Variants in FANCB observed in about 807,000 individuals in gnomAD.
The protein encoded by FANCB is Fanconi anemia group B protein.
In FANCB, 5 loss-of-function variants were observed where a neutral mutation model predicts 38.9. The ratio of observed to expected loss-of-function variants is 0.13; its 90% CI spans 0.07 to 0.27. The LOEUF (loss-of-function observed/expected upper bound fraction) is 0.27. Ranked by LOEUF, FANCB falls within the 10% of genes least tolerant of loss-of-function variation. The pLI is 1.00. For synonymous variants in FANCB, 236 were observed against 215.4 expected, an observed-to-expected ratio of 1.10 and a Z score of -0.84; for missense variants, 573 against 602.7, an observed-to-expected ratio of 0.95 and a Z score of 0.52.
At chrX:14,695,802 G>T in the FANCB span, among the ~76,000 whole-genome samples, 1 of 111,594 alleles carries the variant, frequency 9.0e-6, no homozygotes, top group South Asian at 3.8e-4. Flanking sequence ...AGAGTATGGT[G>T]GAAAAAAGAA....
chrX:14,824,673 A>G, the FANCB span, among the ~76,000 whole-genome samples: 1 of 112,271 alleles, frequency 8.9e-6, no homozygotes, highest in Non-Finnish European at 1.9e-5. Context: ...TTATCACGTC[A>G]TAATACCTAT....
the FANCB span, among the ~76,000 whole-genome samples, chrX:14,747,046 C>A: frequency 1.8e-5 from 2 of 111,866 alleles, no homozygotes; most frequent in Non-Finnish European, 1.9e-5. Context: ...CTGTCAGCCC[C>A]TCCACAGAAA....
downstream of FANCB, among the ~76,000 whole-genome samples, chrX:14,831,546 G>C (rs1418238313): frequency 9.0e-6 from 1 of 111,483 alleles, no homozygotes; most frequent in Admixed American, 9.5e-5. Flanking sequence ...GAGGCAAATC[G>C]CTGGTGCTTG....
the FANCB span, among the ~76,000 whole-genome samples, chrX:14,766,739 T>C: frequency 8.1e-5 from 9 of 110,624 alleles, no homozygotes. Flanking sequence ...AGGTTTGTTA[T>C]ATAGGTAAAC....
rs113498863 is a variant in FANCB, at chrX:14,859,648, A to G, written c.952-314T>C. On this transcript the variant is annotated intron_variant, in intron 3 of 9. Transcript: ENST00000650831. Reference sequence around the variant, plus strand: ...TTTATAAGTTCTAACACTTTTCATGACTAACCTTTGGAAATTCTAACATTT... The same window carrying G: ...TTTATAAGTTCTAACACTTTTCATGGCTAACCTTTGGAAATTCTAACATTT... Among the ~76,000 whole-genome samples the G allele has an allele frequency of 7.6e-3, 855 of 111,912 alleles. 12 individuals carry two copies. Among genetic ancestry groups the G allele is most frequent in the African/African-American group, 0.026 (789 of 30,840 alleles).
At chrX:14,784,727 C>A in the FANCB span, among the ~76,000 whole-genome samples, 1 of 112,117 alleles carries the variant, frequency 8.9e-6, no homozygotes, top group Admixed American at 9.5e-5. Context: ...ATGTTCACTG[C>A]AGCACTATTC....
the FANCB span, among the ~76,000 whole-genome samples, chrX:14,702,193 TG>T: frequency 9.0e-6 from 1 of 111,729 alleles, no homozygotes; most frequent in Non-Finnish European, 1.9e-5. Context: ...TGCTAAAGCA[TG>T]GGGCCTAAAA....
the FANCB span, among the ~76,000 whole-genome samples, chrX:14,763,810 T>C: frequency 4.5e-5 from 5 of 111,790 alleles, no homozygotes; most frequent in Non-Finnish European, 7.5e-5. Flanking sequence ...GTGTTCAAAG[T>C]TCCCCGTTGT....
chrX:14,848,836 G>A (rs935181983), intron 7 of FANCB, among the ~76,000 whole-genome samples: 7 of 110,447 alleles, frequency 6.3e-5, no homozygotes, highest in Non-Finnish European at 9.5e-5. Context: ...ACCTACCCCC[G>A]CCCTCACTAA....
the FANCB span, among the ~76,000 whole-genome samples, chrX:14,734,009 T>C: frequency 8.9e-6 from 1 of 112,330 alleles, no homozygotes; most frequent in East Asian, 2.8e-4. Context: ...ATCTACTGTA[T>C]TTCAAAAAAA....
the FANCB span, among the ~76,000 whole-genome samples, chrX:14,793,319 G>A: frequency 3.6e-5 from 4 of 112,166 alleles, no homozygotes; most frequent in East Asian, 5.6e-4. Context: ...ACCAGATATT[G>A]TATGGTTCCA....
chrX:14,730,669 C>G, the FANCB span: 2 of 424,253 alleles, frequency 4.7e-6, no homozygotes, highest in Non-Finnish European at 8.2e-6. Flanking sequence ...ATGAAGAAAA[C>G]TGCACAAAAT....
the FANCB span, among the ~76,000 whole-genome samples, chrX:14,821,445 A>ATGT: frequency 8.9e-6 from 1 of 111,950 alleles, no homozygotes; most frequent in African/African-American, 3.2e-5. Context: ...ATCTAATTTC[A>ATGT]TGTTTTAATT....
At chrX:14,696,073 G>C in the FANCB span, among the ~76,000 whole-genome samples, 3 of 109,482 alleles carry the variant, frequency 2.7e-5, no homozygotes, top group African/African-American at 1.0e-4. Flanking sequence ...CAAATGAGCA[G>C]GAAAGTGAGT....
the FANCB span, among the ~76,000 whole-genome samples, chrX:14,763,276 C>T: frequency 8.9e-6 from 1 of 112,129 alleles, no homozygotes; most frequent in Non-Finnish European, 1.9e-5. Context: ...GGGAAACAAT[C>T]CAGATCACTC....
the FANCB span, among the ~76,000 whole-genome samples, chrX:14,690,207 T>C: frequency 8.9e-6 from 1 of 112,121 alleles, no homozygotes; most frequent in Non-Finnish European, 1.9e-5. Context: ...ATTTAAAAAA[T>C]AGAAGTGAGC....
At chrX:14,863,900 C>T (rs931440620) in intron 3 of FANCB, among the ~76,000 whole-genome samples, 33 of 111,797 alleles carry the variant, frequency 3.0e-4, no homozygotes, top group African/African-American at 9.7e-4. Context: ...TTTGGGAGGC[C>T]GAGGCAGGCG....
the FANCB span, among the ~76,000 whole-genome samples, chrX:14,815,977 A>G: frequency 1.8e-5 from 2 of 112,160 alleles, no homozygotes; most frequent in East Asian, 5.6e-4. Context: ...ATATGGACAT[A>G]AAGTGTAGAA....
the FANCB span, among the ~76,000 whole-genome samples, chrX:14,723,600 C>T: frequency 3.6e-5 from 4 of 111,670 alleles, no homozygotes; most frequent in African/African-American, 9.8e-5. Context: ...TTTACAGGGC[C>T]CTATATGATG....
Sources: gnomAD v4.1 joint callset for allele counts (sites outside exome capture counted in the v4.1 genomes callset) on GRCh38, gnomAD v4.1.1 for gene constraint, MANE v1.5 for transcripts, NCBI Gene and HGNC (gene_info 2026-07-23, HGNC 2026-07-21) for gene names.